Variants in NTM observed in about 807,000 individuals in gnomAD.
NTM encodes the protein neurotrimin, also known as IgLON family member 2.
Under a neutral mutation model 42.1 loss-of-function variants are expected in NTM, and 13 were observed. The ratio of observed to expected loss-of-function variants is 0.31; its 90% CI spans 0.20 to 0.49. The LOEUF (loss-of-function observed/expected upper bound fraction) is 0.49, where lower values mean the gene tolerates loss of function less well. Ranked by LOEUF, NTM falls within the 20% of genes least tolerant of loss-of-function variation. The pLI is 0.99. For missense variants in NTM, 373 were observed against 452.8 expected (o/e 0.82, Z 1.60); for synonymous variants, 187 against 179.2 (o/e 1.04, Z -0.35).
chr11:131,787,620 G>A (rs1481319517), intron 1 of NTM, among the ~76,000 whole-genome samples: 4 of 152,032 alleles, frequency 2.6e-5, no homozygotes, highest in Non-Finnish European at 5.9e-5. Flanking sequence ...TCTTGACCTC[G>A]TGATCCACCC....
intron 2 of NTM, among the ~76,000 whole-genome samples, chr11:132,054,541 G>A (rs1238862031): frequency 2.0e-5 from 3 of 152,188 alleles, no homozygotes; most frequent in Non-Finnish European, 4.4e-5. Flanking sequence ...CCCATGTTAG[G>A]GAGAGGCAGA....
intron 1 of NTM, among the ~76,000 whole-genome samples, chr11:131,662,572 G>A (rs562708502): frequency 5.0e-4 from 76 of 152,302 alleles, no homozygotes; most frequent in Middle Eastern, 3.4e-3. Flanking sequence ...TGGGTTCTCA[G>A]CCACGTGGCT....
intron 4 of NTM, among the ~76,000 whole-genome samples, chr11:132,220,933 G>T (rs1053986846): frequency 6.6e-6 from 1 of 152,120 alleles, no homozygotes; most frequent in South Asian, 2.1e-4. Flanking sequence ...AGTCAGCACC[G>T]CCTGGGAGTA....
At chr11:131,882,450 G>A (rs1243163206) in intron 1 of NTM, among the ~76,000 whole-genome samples, 2 of 152,104 alleles carry the variant, frequency 1.3e-5, no homozygotes, top group African/African-American at 2.4e-5. Context: ...GGATTTAAAT[G>A]TTAATCTCAT....
chr11:132,202,117 G>A (rs995797670), intron 3 of NTM, among the ~76,000 whole-genome samples: 1 of 152,034 alleles, frequency 6.6e-6, no homozygotes, highest in Non-Finnish European at 1.5e-5. Context: ...TCTTTTGCTT[G>A]TATACATTTT....
chr11:131,673,174 A>G (rs2070731254), intron 1 of NTM, among the ~76,000 whole-genome samples: 1 of 152,102 alleles, frequency 6.6e-6, no homozygotes, highest in Admixed American at 6.5e-5. Context: ...GTAAATTGTG[A>G]GTACAACAAT....
At chr11:131,850,796 G>T (rs1472763495) in intron 1 of NTM, among the ~76,000 whole-genome samples, 1 of 152,174 alleles carries the variant, frequency 6.6e-6, no homozygotes, top group Non-Finnish European at 1.5e-5. Context: ...TAAACAAACT[G>T]CAGCATCTTT....
At chr11:131,541,912 C>G (rs2053315348) in intron 1 of NTM, among the ~76,000 whole-genome samples, 1 of 152,148 alleles carries the variant, frequency 6.6e-6, no homozygotes, top group African/African-American at 2.4e-5. Context: ...CAGTGTGTCT[C>G]TTTATACACA....
chr11:131,991,021 C>T (rs1200562730), intron 2 of NTM, among the ~76,000 whole-genome samples: 1 of 152,070 alleles, frequency 6.6e-6, no homozygotes, highest in Non-Finnish European at 1.5e-5. Flanking sequence ...ACCAGTACTG[C>T]ACAATAAATG....
chr11:131,877,285 T>C (rs999278131), intron 1 of NTM, among the ~76,000 whole-genome samples: 2 of 152,216 alleles, frequency 1.3e-5, no homozygotes, highest in African/African-American at 4.8e-5. Context: ...CATTGTTCAG[T>C]GCCACCTGCC....
intron 1 of NTM, among the ~76,000 whole-genome samples, chr11:131,549,847 T>A (rs767688095): frequency 1.3e-5 from 2 of 152,232 alleles, no homozygotes; most frequent in Non-Finnish European, 2.9e-5. Flanking sequence ...ATGATTAACA[T>A]CCTAACACTT....
chr11:132,114,080 C>A (rs945767897), intron 2 of NTM, among the ~76,000 whole-genome samples: 5 of 152,128 alleles, frequency 3.3e-5, no homozygotes, highest in African/African-American at 1.2e-4. Flanking sequence ...CCCATGGATT[C>A]TTTAAAAGGC....
chr11:132,140,649 T>TA (rs1358626960), intron 2 of NTM, among the ~76,000 whole-genome samples: 2 of 152,244 alleles, frequency 1.3e-5, no homozygotes, highest in Non-Finnish European at 1.5e-5. Context: ...TGCTAGCTGA[T>TA]ATCTGAATGT....
At chr11:132,316,622 T>A (rs748685291) in intron 7 of NTM, among the ~76,000 whole-genome samples, 2 of 152,136 alleles carry the variant, frequency 1.3e-5, no homozygotes, top group Non-Finnish European at 2.9e-5. Flanking sequence ...GAGAAAAAGT[T>A]TGCAGGATGT....
intron 1 of NTM, among the ~76,000 whole-genome samples, chr11:131,491,372 A>G (rs1954770121): frequency 6.6e-6 from 1 of 150,644 alleles, no homozygotes; most frequent in African/African-American, 2.5e-5. Flanking sequence ...GAGATATTTA[A>G]TAACAATATT....
chr11:131,725,896 C>T (rs377595938), intron 1 of NTM, among the ~76,000 whole-genome samples: 6 of 152,212 alleles, frequency 3.9e-5, no homozygotes, highest in African/African-American at 1.4e-4. Context: ...AGTGTTGAGG[C>T]CTCTCGCTAG....
chr11:131,814,458 C>A (rs1488502290), intron 1 of NTM, among the ~76,000 whole-genome samples: 4 of 152,090 alleles, frequency 2.6e-5, no homozygotes, highest in African/African-American at 4.8e-5. Context: ...GTGTTGTCAT[C>A]CTGAAAGCAC....
intron 4 of NTM, among the ~76,000 whole-genome samples, chr11:132,280,872 T>G (rs3133886): frequency 0.32 from 49,188 of 152,122 alleles, 8,441 homozygotes; most frequent in Middle Eastern, 0.51. Flanking sequence ...CAAAGCCACC[T>G]ATAGCTAGCT....
intron 1 of NTM, among the ~76,000 whole-genome samples, chr11:131,669,068 T>C (rs1283545581): frequency 6.6e-6 from 1 of 152,128 alleles, no homozygotes; most frequent in African/African-American, 2.4e-5. Flanking sequence ...AAAGATGCGG[T>C]AGAGTCCCTG....
Sources: allele counts gnomAD v4.1 joint callset (sites outside exome capture counted in the v4.1 genomes callset), GRCh38; gene constraint gnomAD v4.1.1; transcripts MANE v1.5; gene names NCBI Gene and HGNC (gene_info 2026-07-23, HGNC 2026-07-21).